Variants in TSPEAR observed in about 807,000 individuals in gnomAD.
The protein encoded by TSPEAR is thrombospondin-type laminin G domain and EAR repeat-containing protein.
A neutral mutation model predicts 71.6 loss-of-function variants in TSPEAR; 69 were observed. The observed-to-expected ratio is 0.96, with a 90% CI of 0.79 to 1.18. The LOEUF (loss-of-function observed/expected upper bound fraction) is 1.18, where lower values mean the gene tolerates loss of function less well. Among genes scored for constraint, TSPEAR ranks in the 50% most tolerant of loss-of-function variants. TSPEAR has a pLI of 0.00. For missense variants in TSPEAR, 971 were observed against 894.9 expected, an observed-to-expected ratio of 1.09 and a Z score of -1.09; for synonymous variants, 402 against 387.2, an observed-to-expected ratio of 1.04 and a Z score of -0.45.
intron 3 of TSPEAR, among the ~76,000 whole-genome samples, chr21:44,531,878 A>C (rs1173416594): frequency 2.6e-5 from 4 of 152,234 alleles, no homozygotes; most frequent in African/African-American, 9.6e-5. Flanking sequence ...GCTGAGGGAC[A>C]GCGTGGCTAG....
chr21:44,558,009 A>G (rs1555920106), intron 2 of TSPEAR: 2 of 1,570,612 alleles, frequency 1.3e-6, no homozygotes, highest in Non-Finnish European at 8.6e-7. Context: ...CGGAAGTCAG[A>G]GATGGCCCTG....
At chr21:44,574,992 T>C (rs782579631) in intron 1 of TSPEAR, 38 of 1,609,856 alleles carry the variant, frequency 2.4e-5, no homozygotes, top group Non-Finnish European at 3.2e-5. Context: ...CCCAGCCTGC[T>C]GAGGCCTCCG....
At chr21:44,685,308 TG>T (rs1857868585) in intron 1 of TSPEAR, among the ~76,000 whole-genome samples, 1 of 152,116 alleles carries the variant, frequency 6.6e-6, no homozygotes, top group South Asian at 2.1e-4. Context: ...TAAAGCGCTG[TG>T]GCCAATCCAT....
At chr21:44,620,260 G>C (rs1982358677) in intron 1 of TSPEAR, among the ~76,000 whole-genome samples, 1 of 152,320 alleles carries the variant, frequency 6.6e-6, no homozygotes, top group African/African-American at 2.4e-5. Flanking sequence ...AACACATTTT[G>C]AGGTAAATAA....
At chr21:44,521,784 T>G in intron 9 of TSPEAR, 99 bp downstream of exon 9, 1 of 1,193,426 alleles carries the variant, frequency 8.4e-7, no homozygotes, top group Non-Finnish European at 1.2e-6. Flanking sequence ...TAGGTTTGGC[T>G]CTCGGTGGAC....
chr21:44,644,666 A>G (rs1312070438), intron 1 of TSPEAR, among the ~76,000 whole-genome samples: 5 of 152,192 alleles, frequency 3.3e-5, no homozygotes, highest in African/African-American at 1.2e-4. Context: ...AGGAAACAAG[A>G]AAAAAACATT....
chr21:44,580,031 C>CAGACAGGCTTGA, intron 1 of TSPEAR: 2 of 1,613,720 alleles, frequency 1.2e-6, no homozygotes, highest in Non-Finnish European at 1.7e-6. Context: ...GATGGGTTTG[C>CAGACAGGCTTGA]AGCAGACAGG....
intron 1 of TSPEAR, among the ~76,000 whole-genome samples, chr21:44,596,235 T>C (rs1444803835): frequency 1.3e-5 from 2 of 152,218 alleles, no homozygotes; most frequent in African/African-American, 4.8e-5. Context: ...CAGCTCGCAA[T>C]GTGCTGGCTT....
chr21:44,654,793 G>A, intron 1 of TSPEAR: 2 of 581,790 alleles, frequency 3.4e-6, no homozygotes, highest in Non-Finnish European at 6.2e-6. Flanking sequence ...TTTCTGTTGA[G>A]GTTACTCAGT....
chr21:44,521,735 C>G, intron 9 of TSPEAR, 148 bp downstream of exon 9: 1 of 725,694 alleles, frequency 1.4e-6, no homozygotes, highest in Non-Finnish European at 2.3e-6. Context: ...GAGGAGCAGG[C>G]CCTGCCTGGG....
chr21:44,653,265 G>GC (rs1984922912), intron 1 of TSPEAR, among the ~76,000 whole-genome samples: 1 of 152,176 alleles, frequency 6.6e-6, no homozygotes, highest in African/African-American at 2.4e-5. Flanking sequence ...ATGTGCTCCT[G>GC]CCCCCAAACC....
At chr21:44,650,706 C>A (rs587680343) in intron 1 of TSPEAR, among the ~76,000 whole-genome samples, 2 of 152,188 alleles carry the variant, frequency 1.3e-5, no homozygotes, top group Non-Finnish European at 1.5e-5. Context: ...CACAGCAGCC[C>A]CCGGATGTCA....
chr21:44,676,251 G>T, intron 1 of TSPEAR: 3 of 1,297,930 alleles, frequency 2.3e-6, no homozygotes, highest in South Asian at 1.2e-5. Context: ...GGACTCTAAG[G>T]GTCTCTTCAC....
chr21:44,647,637 C>G (rs1555940511), intron 1 of TSPEAR: 2 of 486,422 alleles, frequency 4.1e-6, no homozygotes. Context: ...TCAATAAATT[C>G]TTGAGTCAGG....
chr21:44,528,261 G>C (rs933158058), intron 6 of TSPEAR, among the ~76,000 whole-genome samples, 191 bp downstream of exon 6: 1 of 152,198 alleles, frequency 6.6e-6, no homozygotes, highest in African/African-American at 2.4e-5. Context: ...GGAGGGCAGT[G>C]TCCTGCCCGC....
At chr21:44,591,158 T>C (rs2146122022) in intron 1 of TSPEAR, 1 of 658,380 alleles carries the variant, frequency 1.5e-6, no homozygotes, top group African/African-American at 1.9e-5. Context: ...CTGCCCAGGG[T>C]GGAACCAGGC....
chr21:44,677,115 G>A, intron 1 of TSPEAR: 1 of 715,432 alleles, frequency 1.4e-6, no homozygotes, highest in Non-Finnish European at 2.6e-6. Flanking sequence ...GGACCTTTTT[G>A]ACCACATTAT....
chr21:44,627,937 TCCC>T (rs1555934902), intron 1 of TSPEAR: 8 of 1,518,816 alleles, frequency 5.3e-6, no homozygotes, highest in Non-Finnish European at 7.2e-6. Context: ...CCCCACCTCC[TCCC>T]GCCAGCCCAG....
intron 1 of TSPEAR, chr21:44,611,996 T>C (rs1981706178): frequency 1.3e-5 from 15 of 1,185,192 alleles, no homozygotes; most frequent in Middle Eastern, 2.9e-4. Context: ...CTTGTGAGAC[T>C]CCTGTGAGGA....
Sources: allele counts gnomAD v4.1 joint callset (sites outside exome capture counted in the v4.1 genomes callset), GRCh38; gene constraint gnomAD v4.1.1; transcripts MANE v1.5; gene names NCBI Gene and HGNC (gene_info 2026-07-23, HGNC 2026-07-21).